The following STXBP5 variants were observed in gnomAD, a reference collection of about 807,000 sequenced individuals.
STXBP5 encodes syntaxin-binding protein 5.
STXBP5 carries 50 observed loss-of-function variants against 152.4 expected under a neutral mutation model. The observed-to-expected ratio is 0.33, with a 90% CI of 0.26 to 0.42. STXBP5 has a LOEUF of 0.42. Ranked by LOEUF, STXBP5 falls within the 10% of genes least tolerant of loss-of-function variation. STXBP5 has a pLI of 1.00. For missense variants in STXBP5, 1,167 were observed against 1,388.6 expected, an observed-to-expected ratio of 0.84 and a Z score of 2.54; for synonymous variants, 492 against 494.7, an observed-to-expected ratio of 0.99 and a Z score of 0.07.
At chr6:147,319,828 CTTTTTTTTT>C (rs55948948) in intron 16 of STXBP5, among the ~76,000 whole-genome samples, 2 of 71,598 alleles carry the variant, frequency 2.8e-5, no homozygotes, top group African/African-American at 5.8e-5. Flanking sequence ...TATCTGGATT[CTTTTTTTTT>C]TTTTTTTTTT....
At chr6:147,273,820 TGGG>T (rs1780302365) in intron 7 of STXBP5, among the ~76,000 whole-genome samples, 2 of 151,758 alleles carry the variant, frequency 1.3e-5, no homozygotes, top group Admixed American at 6.6e-5. Flanking sequence ...GGTGTGGTGG[TGGG>T]CACCTGTAGT....
chr6:147,283,088 T>C (rs1250172143), intron 8 of STXBP5, among the ~76,000 whole-genome samples: 4 of 152,224 alleles, frequency 2.6e-5, no homozygotes, highest in African/African-American at 7.2e-5. Flanking sequence ...TGGACAAGCT[T>C]GTGCTAGACA....
chr6:147,249,528 G>A (rs920258919), intron 4 of STXBP5, among the ~76,000 whole-genome samples: 9 of 152,298 alleles, frequency 5.9e-5, no homozygotes, highest in Admixed American at 3.3e-4. Flanking sequence ...CTACACAATA[G>A]GTAAGTGATT....
In STXBP5 at chr6:147,235,281, C is replaced by G; in HGVS notation, c.280C>G (p.Gln94Glu). The change falls in exon 3 of 28, where the codon CAG (glutamine) becomes GAG (glutamate). Residue 94 changes from glutamine to glutamate, a missense_variant. Gln to Glu is a conservative substitution (Grantham distance 29). Coordinates refer to ENST00000321680, the MANE Select transcript of STXBP5 (RefSeq NM_001127715.4). The part of the protein sequence containing the change: ...FGRPGVECYC[Q>E]HDSGAAVIQL... ...TCGTCCAGGAGTAGAATGTTATTGC[C>G]AGCATGACAGTGGAGCTGCAGTAAT... 1 of 1,613,346 alleles carries G rather than the reference C, an allele frequency of 6.2e-7. No individual in the cohort carries two copies. The highest frequency in any genetic ancestry group is 8.5e-7 in the Non-Finnish European group (1 of 1,179,512).
intron 9 of STXBP5, among the ~76,000 whole-genome samples, chr6:147,301,359 G>A (rs1457702808): frequency 6.6e-6 from 1 of 152,086 alleles, no homozygotes; most frequent in Non-Finnish European, 1.5e-5. Context: ...TGTTCCCTTT[G>A]TGATTATGGC....
intron 25 of STXBP5, among the ~76,000 whole-genome samples, chr6:147,367,150 G>A (rs916624913): frequency 1.3e-5 from 2 of 152,180 alleles, no homozygotes; most frequent in Non-Finnish European, 2.9e-5. Flanking sequence ...ATGAGAAACT[G>A]TAGTGTTTGA....
intron 9 of STXBP5, among the ~76,000 whole-genome samples, chr6:147,296,427 C>CTGATAACTATAAAACATTG (rs1781530045): frequency 6.6e-6 from 1 of 152,060 alleles, no homozygotes; most frequent in Admixed American, 6.6e-5. Context: ...TGTCTCCACC[C>CTGATAACTATAAAACATTG]AGAACCAAAG....
At chr6:147,319,583 T>C (rs1437244958) in intron 16 of STXBP5, among the ~76,000 whole-genome samples, 1 of 151,070 alleles carries the variant, frequency 6.6e-6, no homozygotes, top group Non-Finnish European at 1.5e-5. Flanking sequence ...ATAATAAAAC[T>C]TTATAAATTC....
At chr6:147,342,538 T>A (rs1051744041) in intron 21 of STXBP5, among the ~76,000 whole-genome samples, 11 of 152,206 alleles carry the variant, frequency 7.2e-5, no homozygotes, top group Non-Finnish European at 2.9e-5. Context: ...ATGCATATGG[T>A]AATTTGTTTT....
chr6:147,247,466 G>A lies in STXBP5; in HGVS notation c.431+8196G>A, dbSNP rs925259189. On this transcript the variant is annotated intron_variant, in intron 4 of 27. Transcript: ENST00000321680. The stretch of plus-strand genomic sequence containing the variant: ...TGATGAGTCATCTTGGAAATTGTAG[G>A]TATAGAGTATCACATATTCAAGCAC... 3.7e-4 allele frequency among the ~76,000 whole-genome samples: 57 copies of A among 152,056 alleles called. 1 individual carries two copies. The highest frequency in any genetic ancestry group is 2.1e-4 in the South Asian group (1 of 4,816).
At chr6:147,286,848 C>T (rs895592044) in intron 8 of STXBP5, among the ~76,000 whole-genome samples, 1 of 151,828 alleles carries the variant, frequency 6.6e-6, no homozygotes, top group African/African-American at 2.4e-5. Flanking sequence ...CCTTTCTTGT[C>T]CCACCAGGTA....
chr6:147,384,211 A>G (rs1423276754), intron 27 of STXBP5, among the ~76,000 whole-genome samples: 3 of 152,096 alleles, frequency 2.0e-5, no homozygotes, highest in East Asian at 3.9e-4. Context: ...TCACTACTGC[A>G]TTACCTTGGG....
intron 21 of STXBP5, among the ~76,000 whole-genome samples, chr6:147,349,783 T>G (rs1784507674): frequency 6.6e-6 from 1 of 152,202 alleles, no homozygotes; most frequent in African/African-American, 2.4e-5. Flanking sequence ...AGTAGATATT[T>G]AATAAATGAA....
chr6:147,363,244 TTAAG>T (rs2128413643), intron 23 of STXBP5, 87 bp from the exon 24 acceptor site: 2 of 1,310,332 alleles, frequency 1.5e-6, no homozygotes, highest in Non-Finnish European at 2.1e-6. Context: ...CAGCATATAT[TTAAG>T]TATCTACTGT....
chr6:147,332,440 A>G (rs957644888), intron 18 of STXBP5, among the ~76,000 whole-genome samples: 14 of 152,362 alleles, frequency 9.2e-5, no homozygotes, highest in African/African-American at 3.1e-4. Flanking sequence ...TTTCAGGTTT[A>G]AAGGACGTGA....
chr6:147,353,291 T>C, intron 21 of STXBP5, 32 bp from the exon 22 acceptor site: 1 of 1,465,294 alleles, frequency 6.8e-7, no homozygotes, highest in Non-Finnish European at 9.3e-7. Flanking sequence ...CAAATATTCT[T>C]CAGAATTTTA....
intron 9 of STXBP5, 49 bp from the exon 10 acceptor site, chr6:147,310,035 A>G: frequency 1.5e-6 from 2 of 1,294,012 alleles, no homozygotes; most frequent in South Asian, 2.0e-5. Context: ...TAGCAAGAAA[A>G]TTATCTTTAC....
At chr6:147,235,542 TTGAAAGGCCTAA>T (rs1294632491) in intron 3 of STXBP5, among the ~76,000 whole-genome samples, 2 of 152,146 alleles carry the variant, frequency 1.3e-5, no homozygotes, top group African/African-American at 2.4e-5. Flanking sequence ...GTGTTGTAAA[TTGAAAGGCCTAA>T]GGTAAATGTT....
At chr6:147,372,392 A>G (rs990825909) in intron 25 of STXBP5, among the ~76,000 whole-genome samples, 2 of 128,902 alleles carry the variant, frequency 1.6e-5, no homozygotes, top group Non-Finnish European at 3.2e-5. Flanking sequence ...TATAAATGTT[A>G]CTACCGTCCT....
Sources: allele counts gnomAD v4.1 joint callset (sites outside exome capture counted in the v4.1 genomes callset), GRCh38; gene constraint gnomAD v4.1.1; transcripts MANE v1.5; gene names NCBI Gene and HGNC (gene_info 2026-07-23, HGNC 2026-07-21).